Variants in SEMA5A observed in about 807,000 individuals in gnomAD.
The protein encoded by SEMA5A is semaphorin 5A.
Under a neutral mutation model 135.5 loss-of-function variants are expected in SEMA5A, and 55 were observed. The ratio of observed to expected loss-of-function variants is 0.41; its 90% CI spans 0.33 to 0.51. SEMA5A has a LOEUF of 0.51. SEMA5A is among the 20% of genes least tolerant of loss of function. The probability of loss-of-function intolerance (pLI) is 0.37; values close to 1 mark genes in which losing one functional copy is unlikely to be tolerated. For synonymous variants in SEMA5A, 580 were observed against 546.5 expected (o/e 1.06, Z -0.85); for missense variants, 1,290 against 1,419.9 (o/e 0.91, Z 1.47).
intron 1 of SEMA5A, among the ~76,000 whole-genome samples, chr5:9,513,488 G>A (rs1470736393): frequency 1.3e-5 from 2 of 152,198 alleles, no homozygotes; most frequent in East Asian, 3.9e-4. Flanking sequence ...TGGAACACAT[G>A]TTTGTGTTTA....
chr5:9,240,102 T>G (rs1748119653), intron 5 of SEMA5A, among the ~76,000 whole-genome samples: 1 of 152,090 alleles, frequency 6.6e-6, no homozygotes. Flanking sequence ...TTCATTATTT[T>G]TATCCAGCAT....
At chr5:9,088,296 C>T (rs1738818046) in intron 16 of SEMA5A, among the ~76,000 whole-genome samples, 1 of 140,862 alleles carries the variant, frequency 7.1e-6, no homozygotes, top group African/African-American at 2.7e-5. Context: ...GAGTGAGACT[C>T]CATCTCAAAA....
intron 10 of SEMA5A, among the ~76,000 whole-genome samples, chr5:9,194,866 C>A (rs755841645): frequency 6.6e-6 from 1 of 152,058 alleles, no homozygotes; most frequent in African/African-American, 2.4e-5. Flanking sequence ...TCGCTCCTGG[C>A]CTTAGGAAAT....
chr5:9,232,539 G>T (rs568746820), intron 6 of SEMA5A, among the ~76,000 whole-genome samples: 3 of 152,166 alleles, frequency 2.0e-5, no homozygotes, highest in South Asian at 4.2e-4. Context: ...CTATATAATT[G>T]TATACATGTA....
chr5:9,227,158 AAC>A (rs1467069010), intron 6 of SEMA5A, among the ~76,000 whole-genome samples, 191 bp from the exon 7 acceptor site: 2 of 152,190 alleles, frequency 1.3e-5, no homozygotes, highest in African/African-American at 4.8e-5. Context: ...AAAAAATAAC[AAC>A]AGAGCTATTA....
In SEMA5A at chr5:9,035,035, C is replaced by T. The variant is rs1579273833; in HGVS notation, c.*7862G>A. ...CAAAGAAAAATGCCACTAAATTGTCCCCTAAATGGTAGGATTTATTTCAAT... is the reference window on the plus strand; with the variant it reads ...CAAAGAAAAATGCCACTAAATTGTCTCCTAAATGGTAGGATTTATTTCAAT... On this transcript the variant is annotated 3_prime_UTR_variant, in exon 23 of 23. Coordinates refer to ENST00000382496, the MANE Select transcript of SEMA5A (RefSeq NM_003966.3). 2 of 152,628 alleles carry T rather than the reference C, an allele frequency of 1.3e-5. No individual in the cohort carries two copies. Among genetic ancestry groups the T allele is most frequent in the South Asian group, 2.1e-4 (1 of 4,812 alleles). The allele number at this position is 152,628 out of a possible 1,614,324, so 9.5% of individuals were successfully genotyped here. A position where few individuals can be genotyped will look rare whatever the true frequency, so the allele number is the denominator to read the frequency against.
intron 16 of SEMA5A, among the ~76,000 whole-genome samples, chr5:9,106,790 G>A (rs2840114): frequency 0.12 from 17,544 of 152,100 alleles, 1,561 homozygotes; most frequent in East Asian, 0.32. Context: ...AATATACATC[G>A]TAATGAAGAT....
chr5:9,337,662 G>A (rs976215232), intron 4 of SEMA5A, 51 bp downstream of exon 4: 26 of 1,220,886 alleles, frequency 2.1e-5, no homozygotes, highest in Non-Finnish European at 2.8e-5. Flanking sequence ...CTGCACAGAT[G>A]TAAAATGAAG....
chr5:9,098,693 C>T (rs924801720), intron 16 of SEMA5A, among the ~76,000 whole-genome samples: 8 of 152,218 alleles, frequency 5.3e-5, no homozygotes, highest in Non-Finnish European at 1.2e-4. Context: ...TCTGCATGTA[C>T]TGCCTACTCG....
chr5:9,475,002 C>T (rs1759616429), intron 1 of SEMA5A, among the ~76,000 whole-genome samples: 1 of 152,218 alleles, frequency 6.6e-6, no homozygotes, highest in Non-Finnish European at 1.5e-5. Context: ...AGTGCAGTGG[C>T]ACGATCTCAG....
At chr5:9,229,787 G>A (rs1039854720) in intron 6 of SEMA5A, among the ~76,000 whole-genome samples, 3 of 151,648 alleles carry the variant, frequency 2.0e-5, no homozygotes, top group Non-Finnish European at 2.9e-5. Flanking sequence ...CATGGGCAAG[G>A]GTAATTTGTT....
chr5:9,277,154 G>A (rs1040577994), intron 5 of SEMA5A, among the ~76,000 whole-genome samples: 1 of 152,080 alleles, frequency 6.6e-6, no homozygotes, highest in Non-Finnish European at 1.5e-5. Context: ...GTGGGCAAAG[G>A]ATATGAACAG....
intron 2 of SEMA5A, among the ~76,000 whole-genome samples, chr5:9,396,844 CT>C (rs1373100999): frequency 3.9e-5 from 6 of 152,160 alleles, no homozygotes; most frequent in Non-Finnish European, 8.8e-5. Context: ...GAGCATAAAC[CT>C]TTTCTTCATG....
chr5:9,497,883 G>A (rs181880480), intron 1 of SEMA5A, among the ~76,000 whole-genome samples: 2 of 152,244 alleles, frequency 1.3e-5, no homozygotes, highest in Non-Finnish European at 2.9e-5. Context: ...CTGCTTAGAG[G>A]AAGATTCATT....
intron 21 of SEMA5A, among the ~76,000 whole-genome samples, chr5:9,046,114 C>A (rs541991083): frequency 1.3e-5 from 2 of 152,312 alleles, no homozygotes; most frequent in East Asian, 3.9e-4. Context: ...GTGGCTGCTG[C>A]CCATGGGGTA....
intron 3 of SEMA5A, among the ~76,000 whole-genome samples, chr5:9,371,597 T>G (rs1755138569): frequency 6.6e-6 from 1 of 152,246 alleles, no homozygotes; most frequent in South Asian, 2.1e-4. Context: ...CATTTTGTAA[T>G]GTAAAAAGCA....
chr5:9,537,880 G>C (rs1431529442), intron 1 of SEMA5A, among the ~76,000 whole-genome samples: 1 of 152,198 alleles, frequency 6.6e-6, no homozygotes, highest in African/African-American at 2.4e-5. Flanking sequence ...CTAAAGGCCA[G>C]CTAGCCTGGA....
intron 11 of SEMA5A, among the ~76,000 whole-genome samples, chr5:9,164,120 TATATCATATAAATATTTATATAATTATAA>T (rs1743464402): frequency 1.8e-5 from 2 of 114,224 alleles, no homozygotes; most frequent in East Asian, 5.2e-4. Context: ...TAATTATAAA[TATATCATATAAATATTTATATAATTATAA>T]ATATATCATA....
At chr5:9,140,518 G>A (rs1011007089) in intron 12 of SEMA5A, among the ~76,000 whole-genome samples, 8 of 152,152 alleles carry the variant, frequency 5.3e-5, no homozygotes, top group Non-Finnish European at 4.4e-5. Flanking sequence ...AGACAGACCC[G>A]GGTGGGGTGA....
Sources: allele counts gnomAD v4.1 joint callset (sites outside exome capture counted in the v4.1 genomes callset), GRCh38; gene constraint gnomAD v4.1.1; transcripts MANE v1.5; gene names NCBI Gene and HGNC (gene_info 2026-07-23, HGNC 2026-07-21).